PIK3AP1: variants seen among roughly 807,000 people sequenced by gnomAD.
PIK3AP1 encodes phosphoinositide 3-kinase adapter protein 1.
PIK3AP1 carries 21 observed loss-of-function variants against 88.1 expected under a neutral mutation model. The ratio of observed to expected loss-of-function variants is 0.24; its 90% CI spans 0.17 to 0.34. The LOEUF (loss-of-function observed/expected upper bound fraction) is 0.34, where lower values mean the gene tolerates loss of function less well. PIK3AP1 is among the 10% of genes least tolerant of loss of function. PIK3AP1 has a pLI of 1.00. For synonymous variants in PIK3AP1, 398 were observed against 400.0 expected (o/e 1.00, Z 0.06); for missense variants, 828 against 1,035.7 (o/e 0.80, Z 2.75).
chr10:96,711,908 G>A (rs1463827330), intron 1 of PIK3AP1, among the ~76,000 whole-genome samples: 6 of 150,844 alleles, frequency 4.0e-5, no homozygotes, highest in Non-Finnish European at 8.9e-5. Context: ...CCGCCATCAC[G>A]CCCGGCTAAT....
intron 8 of PIK3AP1, among the ~76,000 whole-genome samples, chr10:96,644,551 A>C (rs1843434286): frequency 6.6e-6 from 1 of 152,142 alleles, no homozygotes; most frequent in Non-Finnish European, 1.5e-5. Flanking sequence ...TTGGAGGGGA[A>C]CTTCTACTGC....
chr10:96,651,403 T>A, intron 5 of PIK3AP1, 23 bp from the exon 6 acceptor site: 2 of 1,614,190 alleles, frequency 1.2e-6, no homozygotes, highest in Admixed American at 3.3e-5. Flanking sequence ...GTGAAGATGG[T>A]CAGATCTGAA....
chr10:96,641,384 C>T (rs549942973), intron 8 of PIK3AP1, among the ~76,000 whole-genome samples: 1 of 152,302 alleles, frequency 6.6e-6, no homozygotes, highest in South Asian at 2.1e-4. Context: ...AAGCAGTGAT[C>T]TGAAAGTGGC....
chr10:96,641,695 T>A (rs1351139917), intron 8 of PIK3AP1, among the ~76,000 whole-genome samples: 1 of 152,198 alleles, frequency 6.6e-6, no homozygotes, highest in Non-Finnish European at 1.5e-5. Flanking sequence ...AGATTCCTGA[T>A]CCAGTCCTCC....
intron 16 of PIK3AP1, among the ~76,000 whole-genome samples, chr10:96,597,036 C>T (rs954054518): frequency 3.3e-5 from 5 of 152,124 alleles, no homozygotes; most frequent in African/African-American, 9.7e-5. Flanking sequence ...AAATAAGAAT[C>T]ACAGACAACC....
At chr10:96,658,208 G>A (rs530944813) in intron 2 of PIK3AP1, among the ~76,000 whole-genome samples, 2 of 152,308 alleles carry the variant, frequency 1.3e-5, no homozygotes, top group African/African-American at 4.8e-5. Context: ...GGACGAATCA[G>A]ACACTAACCC....
chr10:96,683,139 T>C (rs1353783613), intron 2 of PIK3AP1, among the ~76,000 whole-genome samples: 1 of 152,184 alleles, frequency 6.6e-6, no homozygotes, highest in Non-Finnish European at 1.5e-5. Flanking sequence ...ATTCTGTTAA[T>C]TTCTAAAGGA....
intron 2 of PIK3AP1, among the ~76,000 whole-genome samples, chr10:96,678,171 T>A (rs1843951153): frequency 6.6e-6 from 1 of 152,124 alleles, no homozygotes; most frequent in Non-Finnish European, 1.5e-5. Context: ...CAGTGGTTCA[T>A]GCCTGTAATC....
chr10:96,628,516 A>G (rs780888226), intron 8 of PIK3AP1, 23 bp from the exon 9 acceptor site: 1 of 1,570,116 alleles, frequency 6.4e-7, no homozygotes. Flanking sequence ...GGAGACTAAG[A>G]GTTATATATT....
intron 13 of PIK3AP1, among the ~76,000 whole-genome samples, chr10:96,612,029 A>G (rs1345774438): frequency 2.0e-5 from 3 of 152,162 alleles, no homozygotes; most frequent in African/African-American, 7.2e-5. Context: ...GCATTATTAT[A>G]CCTCCTTTAA....
intron 4 of PIK3AP1, 89 bp downstream of exon 4, chr10:96,652,609 T>A: frequency 6.8e-7 from 1 of 1,463,472 alleles, no homozygotes. Context: ...ATATTTAAGA[T>A]GATAATACCT....
intron 8 of PIK3AP1, among the ~76,000 whole-genome samples, chr10:96,640,808 C>T (rs1458668884): frequency 6.6e-6 from 1 of 151,882 alleles, no homozygotes; most frequent in Non-Finnish European, 1.5e-5. Flanking sequence ...CAGGCATGTG[C>T]CACCACGCCC....
At chr10:96,621,562 A>T (rs1345754511) in intron 11 of PIK3AP1, 1 of 152,168 alleles carries the variant, frequency 6.6e-6, no homozygotes, top group African/African-American at 2.4e-5. Context: ...TTGTTCTCAG[A>T]CTTACCTCTA....
At chr10:96,651,123 T>C (rs1176384133) in intron 6 of PIK3AP1, 125 bp downstream of exon 6, 1 of 1,249,170 alleles carries the variant, frequency 8.0e-7, no homozygotes, top group Non-Finnish European at 1.1e-6. Context: ...TATCACAGGA[T>C]AGGTTATAGA....
chr10:96,650,440 C>A (rs1019588746), intron 6 of PIK3AP1, among the ~76,000 whole-genome samples: 3 of 152,236 alleles, frequency 2.0e-5, no homozygotes, highest in Admixed American at 2.0e-4. Flanking sequence ...CAGCTCCCAG[C>A]ATGTCACATG....
rs35668691 is a variant in PIK3AP1 at position 96,651,536 on chromosome 10, G to A, written c.828C>T (p.Ala276=). The A allele has an allele frequency of 0.029, 46,710 of 1,614,100 alleles. 842 individuals carry two copies. The highest frequency in any genetic ancestry group is 0.033 in the Middle Eastern group (202 of 6,062). Residue 276 remains alanine, a synonymous_variant, in exon 5 of 17, where the codon GCC becomes GCT. Transcript: ENST00000339364. ...MEEIGNLLSN[A]ANPVEFMCQA... ...GACACATGAATTCCACAGGATTCGC[G>A]GCATTGGACAATAAATTCCCAATTT... is the stretch of plus-strand genomic sequence containing the variant.
intron 8 of PIK3AP1, among the ~76,000 whole-genome samples, chr10:96,644,240 C>A (rs936412104): frequency 1.3e-5 from 2 of 152,110 alleles, no homozygotes; most frequent in Non-Finnish European, 2.9e-5. Context: ...ACAGCCCTGC[C>A]CAATGAAGAG....
chr10:96,688,008 G>C (rs917621552), intron 2 of PIK3AP1, among the ~76,000 whole-genome samples: 5 of 152,216 alleles, frequency 3.3e-5, no homozygotes, highest in Non-Finnish European at 5.9e-5. Flanking sequence ...GAGGCATGAA[G>C]GGGTGGGGGA....
chr10:96,616,882 A>G (rs773835886), intron 12 of PIK3AP1, among the ~76,000 whole-genome samples, 171 bp from the exon 13 acceptor site: 2 of 152,204 alleles, frequency 1.3e-5, no homozygotes, highest in African/African-American at 4.8e-5. Flanking sequence ...AGAAATCCAA[A>G]TACTCACAGA....
Sources: gnomAD v4.1 joint callset for allele counts (sites outside exome capture counted in the v4.1 genomes callset) on GRCh38, gnomAD v4.1.1 for gene constraint, MANE v1.5 for transcripts, NCBI Gene and HGNC (gene_info 2026-07-23, HGNC 2026-07-21) for gene names.